Variants in GALNT13 observed in about 807,000 individuals in gnomAD.
GALNT13 encodes polypeptide N-acetylgalactosaminyltransferase 13.
GALNT13 carries 28 observed loss-of-function variants against 64.2 expected under a neutral mutation model. The ratio of observed to expected loss-of-function variants is 0.44; its 90% confidence interval spans 0.32 to 0.60. GALNT13 has a LOEUF of 0.60. Ranked by LOEUF, GALNT13 falls within the 20% of genes least tolerant of loss-of-function variation. The probability of loss-of-function intolerance (pLI) is 0.05; values close to 1 mark genes in which losing one functional copy is unlikely to be tolerated. For missense variants in GALNT13, 577 were observed against 669.8 expected, an observed-to-expected ratio of 0.86 and a Z score of 1.53; for synonymous variants, 214 against 224.6, an observed-to-expected ratio of 0.95 and a Z score of 0.42.
At chr2:153,791,815 A>G in the GALNT13 span, among the ~76,000 whole-genome samples, 1 of 152,182 alleles carries the variant, frequency 6.6e-6, no homozygotes, top group Non-Finnish European at 1.5e-5. Context: ...TAGCAAACTA[A>G]TGCAGGAATA....
the GALNT13 span, among the ~76,000 whole-genome samples, chr2:153,851,975 T>C: frequency 6.6e-6 from 1 of 152,140 alleles, no homozygotes; most frequent in African/African-American, 2.4e-5. Flanking sequence ...TAATATTATT[T>C]GAAGGTGAGA....
At chr2:153,919,613 A>G (rs979905118) in intron 2 of GALNT13, among the ~76,000 whole-genome samples, 30 of 152,024 alleles carry the variant, frequency 2.0e-4, no homozygotes, top group African/African-American at 6.8e-4. Flanking sequence ...TTGGGAGCAT[A>G]TTATGTACTC....
At position 154,242,720 on chromosome 2, in the gene GALNT13, G is replaced by A. The variant is rs761139906; in HGVS notation, c.501G>A (p.Glu167=). The change falls in exon 6 of 13, where the codon GAG becomes GAA. Residue 167 remains glutamate (E), a synonymous_variant. Transcript: ENST00000392825. ...CAGATTTTCTCAAGTTGACATTAGAGAATTACGTGAAAAATTTAGAAGTGC... is the reference window on the plus strand; with the variant it reads ...CAGATTTTCTCAAGTTGACATTAGAAAATTACGTGAAAAATTTAGAAGTGC... ...SERDFLKLTL[E]NYVKNLEVPV... 6.2e-7 allele frequency: 1 copy of A among 1,612,158 alleles called. No individual in the cohort carries two copies. Among genetic ancestry groups the A allele is most frequent in the South Asian group, 1.1e-5 (1 of 91,018 alleles).
At chr2:153,128,244 AG>A in the GALNT13 span, among the ~76,000 whole-genome samples, 2 of 152,188 alleles carry the variant, frequency 1.3e-5, no homozygotes, top group African/African-American at 4.8e-5. Context: ...TACAAAAGAA[AG>A]AGGTTTAATG....
intron 3 of GALNT13, among the ~76,000 whole-genome samples, chr2:154,122,481 G>GA (rs573478776): frequency 6.5e-4 from 99 of 151,974 alleles, no homozygotes; most frequent in African/African-American, 2.2e-3. Context: ...CTTCTTTCTG[G>GA]AAAAATTGTG....
chr2:153,447,285 A>C, the GALNT13 span, among the ~76,000 whole-genome samples: 1 of 152,218 alleles, frequency 6.6e-6, no homozygotes, highest in African/African-American at 2.4e-5. Flanking sequence ...AACAGTGGGC[A>C]GCTGGCCAAA....
At chr2:153,470,412 T>G in the GALNT13 span, among the ~76,000 whole-genome samples, 1 of 152,186 alleles carries the variant, frequency 6.6e-6, no homozygotes, top group Admixed American at 6.5e-5. Context: ...GTCACAGCGG[T>G]TTGTTCAGCA....
chr2:154,095,594 C>T (rs1352218362), intron 3 of GALNT13, among the ~76,000 whole-genome samples: 1 of 151,836 alleles, frequency 6.6e-6, no homozygotes, highest in Non-Finnish European at 1.5e-5. Context: ...CCTATGGTTT[C>T]CCTACAGAAG....
the GALNT13 span, among the ~76,000 whole-genome samples, chr2:153,171,161 G>A: frequency 5.3e-5 from 8 of 152,200 alleles, no homozygotes; most frequent in African/African-American, 9.7e-5. Context: ...AATTATGGTC[G>A]TCTCGTTGCC....
chr2:153,956,496 T>C (rs1692578820), intron 3 of GALNT13, among the ~76,000 whole-genome samples: 2 of 152,186 alleles, frequency 1.3e-5, no homozygotes, highest in South Asian at 4.1e-4. Context: ...ATGTTCTGAC[T>C]TGTCCTATGC....
At chr2:153,772,340 C>T in the GALNT13 span, among the ~76,000 whole-genome samples, 2 of 152,182 alleles carry the variant, frequency 1.3e-5, no homozygotes, top group South Asian at 2.1e-4. Flanking sequence ...CCTGTCTCCT[C>T]AAGTTTTCTC....
the GALNT13 span, among the ~76,000 whole-genome samples, chr2:153,222,743 C>T: frequency 3.1e-4 from 47 of 152,308 alleles, no homozygotes; most frequent in African/African-American, 9.6e-4. Context: ...CCGGAACTTG[C>T]GCATACCCGG....
intron 9 of GALNT13, among the ~76,000 whole-genome samples, chr2:154,304,653 A>C (rs2105106453): frequency 6.6e-6 from 1 of 152,366 alleles, no homozygotes; most frequent in African/African-American, 2.4e-5. Flanking sequence ...TAACTTTAGA[A>C]TGTAAAGCAT....
chr2:153,406,431 T>C, the GALNT13 span, among the ~76,000 whole-genome samples: 2 of 152,104 alleles, frequency 1.3e-5, no homozygotes, highest in Non-Finnish European at 2.9e-5. Context: ...TGGGGGGCAC[T>C]GAGTCTCACT....
At chr2:153,917,385 A>G (rs1320945984) in intron 2 of GALNT13, among the ~76,000 whole-genome samples, 1 of 152,116 alleles carries the variant, frequency 6.6e-6, no homozygotes, top group Non-Finnish European at 1.5e-5. Flanking sequence ...CTAACCCCCA[A>G]TAACTTCCCT....
the GALNT13 span, among the ~76,000 whole-genome samples, chr2:153,441,025 G>A: frequency 6.6e-6 from 1 of 152,012 alleles, no homozygotes; most frequent in African/African-American, 2.4e-5. Context: ...CTTTGTCCAT[G>A]GCCATGTCTG....
chr2:154,428,013 A>G (rs918339310), intron 11 of GALNT13, among the ~76,000 whole-genome samples: 4 of 152,296 alleles, frequency 2.6e-5, no homozygotes, highest in Non-Finnish European at 5.9e-5. Flanking sequence ...TTTCAATACA[A>G]ATTTTCTTGG....
At chr2:153,725,233 C>A in the GALNT13 span, among the ~76,000 whole-genome samples, 92,350 of 141,838 alleles carry the variant, frequency 0.65, 31,157 homozygotes, top group Non-Finnish European at 0.74. Flanking sequence ...GCATATTCTC[C>A]CTCATAGGTG....
Position 154,319,020 on chromosome 2 carries a change from T to C in GALNT13, c.1156+17431T>C, listed in dbSNP as rs375846205. On this transcript the variant is annotated intron_variant, in intron 9 of 12. Transcript: ENST00000392825. ...TACTGGTAAAGTTCAAAATGAAGGC[T>C]AAATAGAGCTATTTCTTTTCACCAC... Among the ~76,000 whole-genome samples, 53 of 152,294 alleles carry C rather than the reference T, an allele frequency of 3.5e-4. 1 individual carries two copies. In the East Asian group the frequency reaches 7.2e-3, roughly 21 times the overall value.
Sources: allele counts gnomAD v4.1 joint callset (sites outside exome capture counted in the v4.1 genomes callset), GRCh38; gene constraint gnomAD v4.1.1; transcripts MANE v1.5; gene names NCBI Gene and HGNC (gene_info 2026-07-23, HGNC 2026-07-21).